BANP: variants seen among roughly 807,000 people sequenced by gnomAD.
The protein encoded by BANP is protein BANP.
Under a neutral mutation model 68.1 loss-of-function variants are expected in BANP, and 11 were observed. The ratio of observed to expected loss-of-function variants is 0.16; its 90% CI spans 0.10 to 0.27. BANP has a LOEUF of 0.27. Ranked by LOEUF, BANP falls within the 10% of genes least tolerant of loss-of-function variation. BANP has a pLI of 1.00. For missense variants in BANP, 504 were observed against 722.7 expected (o/e 0.70, Z 3.47); for synonymous variants, 329 against 303.2 (o/e 1.09, Z -0.88).
intron 3 of BANP, among the ~76,000 whole-genome samples, chr16:87,983,844 C>T (rs572656667): frequency 6.6e-6 from 1 of 152,324 alleles, no homozygotes; most frequent in East Asian, 1.9e-4. Context: ...ATGACTAAAT[C>T]ATCACATTTG....
At chr16:88,058,020 G>C (rs939911100) in intron 11 of BANP, among the ~76,000 whole-genome samples, 13 of 152,178 alleles carry the variant, frequency 8.5e-5, no homozygotes, top group Admixed American at 3.9e-4. Flanking sequence ...GGGAAGAAAG[G>C]GTTCAAGCGT....
chr16:87,956,890 C>G (rs1368794195), intron 1 of BANP: 1 of 152,318 alleles, frequency 6.6e-6, no homozygotes, highest in African/African-American at 2.4e-5. Context: ...AGTGCTGTCC[C>G]AGAAGCCCCC....
At chr16:87,951,559 T>C (rs1353467765) in intron 1 of BANP, 44 bp downstream of exon 1, 1 of 151,572 alleles carries the variant, frequency 6.6e-6, no homozygotes, top group Non-Finnish European at 1.5e-5. Context: ...GCCTCCCCCT[T>C]CCCGCGGGGC....
intron 12 of BANP, among the ~76,000 whole-genome samples, chr16:88,069,507 T>C (rs1463436213): frequency 6.6e-6 from 1 of 152,002 alleles, no homozygotes; most frequent in Non-Finnish European, 1.5e-5. Context: ...AGCCGGAGGG[T>C]AATCGTGCTG....
At chr16:87,969,684 C>T (rs555280643) in intron 1 of BANP, among the ~76,000 whole-genome samples, 4 of 152,032 alleles carry the variant, frequency 2.6e-5, no homozygotes, top group African/African-American at 9.7e-5. Context: ...AGGCACGCGC[C>T]GCCATCCCCG....
intron 11 of BANP, among the ~76,000 whole-genome samples, chr16:88,042,148 C>T (rs769219521): frequency 1.1e-4 from 16 of 152,242 alleles, no homozygotes; most frequent in African/African-American, 3.9e-4. Context: ...TGAGGTCAGA[C>T]GGAGCCCCCG....
chr16:87,990,832 G>A (rs1254152939), intron 4 of BANP, among the ~76,000 whole-genome samples: 2 of 152,016 alleles, frequency 1.3e-5, no homozygotes, highest in South Asian at 2.1e-4. Context: ...GCGCAATCTC[G>A]GCTCACTGCA....
intron 1 of BANP, among the ~76,000 whole-genome samples, chr16:87,960,996 G>A (rs931235697): frequency 1.1e-4 from 17 of 152,146 alleles, no homozygotes; most frequent in Admixed American, 4.6e-4. Context: ...CTGATGAACC[G>A]TATGCTTTTG....
intron 5 of BANP, 28 bp from the exon 6 acceptor site, chr16:88,006,062 G>C: frequency 1.2e-6 from 2 of 1,613,128 alleles, no homozygotes; most frequent in South Asian, 1.1e-5. Context: ...TTACCACATC[G>C]GGCTGGTGTG....
chr16:87,986,283 T>G (rs1350747864), intron 4 of BANP, among the ~76,000 whole-genome samples: 1 of 152,214 alleles, frequency 6.6e-6, no homozygotes, highest in East Asian at 1.9e-4. Flanking sequence ...ACTTGTCACG[T>G]TGTGCCAGTG....
rs1339956611 is a variant in BANP at position 88,001,472 on chromosome 16, G to A, written c.363-2823G>A. Among the ~76,000 whole-genome samples the A allele has an allele frequency of 3.3e-5, 5 of 152,306 alleles. No individual in the cohort carries two copies. In the South Asian group the frequency reaches 8.3e-4, roughly 25 times the overall value. On this transcript the variant is annotated intron_variant, in intron 4 of 13. Coordinates refer to ENST00000682872, the MANE Select transcript of BANP (RefSeq NM_001386991.1). ...ATTGTTGTGGCACTTTTTCCACATC[G>A]GTCCTTAGATAGGGACTGCATCCTC... is the stretch of plus-strand genomic sequence containing the variant.
chr16:88,039,817 G>A (rs1186434565), intron 11 of BANP, among the ~76,000 whole-genome samples: 2 of 150,284 alleles, frequency 1.3e-5, no homozygotes, highest in Admixed American at 6.7e-5. Flanking sequence ...TGGTTCCTCC[G>A]TCACTGCTGC....
chr16:88,011,015 G>A (rs1435147510), intron 6 of BANP, among the ~76,000 whole-genome samples: 9 of 152,220 alleles, frequency 5.9e-5, no homozygotes, highest in Admixed American at 1.3e-4. Context: ...TGAGTTGATC[G>A]CTAATAAGAG....
chr16:88,063,049 T>C (rs938911636), intron 11 of BANP, among the ~76,000 whole-genome samples: 1 of 152,206 alleles, frequency 6.6e-6, no homozygotes, highest in African/African-American at 2.4e-5. Context: ...CCACAAACTA[T>C]ATCTCAGCCT....
At chr16:87,969,502 A>G (rs2060718501) in intron 1 of BANP, among the ~76,000 whole-genome samples, 1 of 148,642 alleles carries the variant, frequency 6.7e-6, no homozygotes, top group African/African-American at 2.5e-5. Context: ...TCTTGTTTAA[A>G]TTGTTTTAAA....
chr16:87,980,972 A>G (rs2063147140), intron 2 of BANP, 64 bp from the exon 3 acceptor site: 1 of 1,130,694 alleles, frequency 8.8e-7, no homozygotes, highest in African/African-American at 1.5e-5. Context: ...TACTATCTTA[A>G]TGTTAAAATA....
chr16:88,035,502 GA>G (rs2079118132), intron 10 of BANP, 108 bp downstream of exon 10: 1 of 1,091,376 alleles, frequency 9.2e-7, no homozygotes, highest in African/African-American at 1.6e-5. Context: ...CCAGGACAGG[GA>G]ACGTGGGCAA....
rs559097653 is a variant in BANP, at chr16:88,057,345, C to T, written c.1312-7922C>T. Among the ~76,000 whole-genome samples the T allele has an allele frequency of 1.3e-5, 2 of 152,228 alleles. No individual in the cohort carries two copies. Among genetic ancestry groups the T allele is most frequent in the South Asian group, 4.2e-4 (2 of 4,804 alleles). On this transcript the variant is annotated intron_variant, in intron 11 of 13. Transcript: ENST00000682872. This position sits in a 1 kb window ranked among gnomAD's most constrained non-coding sequence, Gnocchi z 4.6. Reference sequence around the variant, plus strand: ...CCAAGAATTATCTTCTGGAAGGCTACCAGAGTAGCTGCCTGCGAAAGGAAA... The same window carrying T: ...CCAAGAATTATCTTCTGGAAGGCTATCAGAGTAGCTGCCTGCGAAAGGAAA...
intron 8 of BANP, among the ~76,000 whole-genome samples, chr16:88,031,333 T>C (rs1045318376): frequency 3.9e-5 from 6 of 152,198 alleles, no homozygotes; most frequent in African/African-American, 1.4e-4. Flanking sequence ...ATTTCTAGCA[T>C]ATTGCAAGTA....
Sources: allele counts gnomAD v4.1 joint callset (sites outside exome capture counted in the v4.1 genomes callset), GRCh38; gene constraint gnomAD v4.1.1; non-coding constraint Gnocchi (gnomAD v3.1); transcripts MANE v1.5; gene names NCBI Gene and HGNC (gene_info 2026-07-23, HGNC 2026-07-21).